CNTN4: variants seen among roughly 807,000 people sequenced by gnomAD.
CNTN4 encodes contactin-4.
CNTN4 carries 77 observed loss-of-function variants against 122.5 expected under a neutral mutation model. The ratio of observed to expected loss-of-function variants is 0.63; its 90% CI spans 0.52 to 0.76. The LOEUF (loss-of-function observed/expected upper bound fraction) is 0.76. Among genes scored for constraint, CNTN4 ranks in the 30% least tolerant of loss-of-function variants. The pLI is 0.00. For synonymous variants in CNTN4, 512 were observed against 447.0 expected, an observed-to-expected ratio of 1.15 and a Z score of -1.83; for missense variants, 1,256 against 1,259.1, an observed-to-expected ratio of 1.00 and a Z score of 0.04.
chr3:2,331,800 CTGTT>C (rs2043735051), intron 2 of CNTN4, among the ~76,000 whole-genome samples: 1 of 152,098 alleles, frequency 6.6e-6, no homozygotes, highest in Non-Finnish European at 1.5e-5. Flanking sequence ...CAGGTGGAGA[CTGTT>C]TGGGAAAGGG....
chr3:2,372,313 A>T (rs920839666), intron 3 of CNTN4, among the ~76,000 whole-genome samples: 10 of 152,252 alleles, frequency 6.6e-5, no homozygotes, highest in African/African-American at 1.7e-4. Context: ...AAGCAGATAA[A>T]CTTAAAGACT....
rs576648363 is a variant in CNTN4, at chr3:2,366,675, C to T, written c.-89+27442C>T. On this transcript the variant is annotated intron_variant, in intron 3 of 24. Coordinates refer to ENST00000418658, the MANE Select transcript of CNTN4 (RefSeq NM_175607.3). ...CCGGGAGGCGGAGCTTGCAGTGAGC[C>T]GAGATTGCACCACTGCGCTCCAGCC... 5.1e-3 allele frequency among the ~76,000 whole-genome samples: 768 copies of T among 151,332 alleles called. 10 individuals are homozygous for T. The highest frequency in any genetic ancestry group is 0.01 in the Middle Eastern group (3 of 294).
At chr3:2,127,190 C>A (rs1025054011) in intron 2 of CNTN4, among the ~76,000 whole-genome samples, 1 of 152,114 alleles carries the variant, frequency 6.6e-6, no homozygotes, top group South Asian at 2.1e-4. Flanking sequence ...CCACCTGATA[C>A]CCTGTGGATC....
chr3:2,378,134 T>C (rs1232402238), intron 3 of CNTN4, among the ~76,000 whole-genome samples: 2 of 152,118 alleles, frequency 1.3e-5, no homozygotes, highest in South Asian at 2.1e-4. Flanking sequence ...GGAGGAGAAA[T>C]AGATGCGACA....
intron 3 of CNTN4, among the ~76,000 whole-genome samples, chr3:2,411,540 T>C (rs1397563723): frequency 6.6e-6 from 1 of 152,192 alleles, no homozygotes; most frequent in Non-Finnish European, 1.5e-5. Context: ...GTTTAGTTTT[T>C]TGGAATGTCT....
intron 6 of CNTN4, among the ~76,000 whole-genome samples, chr3:2,809,758 C>G (rs2092560137): frequency 1.3e-5 from 2 of 152,216 alleles, no homozygotes; most frequent in Non-Finnish European, 2.9e-5. Context: ...GGTGCCATAT[C>G]TCACTAATTG....
chr3:2,158,234 A>AT (rs1180171297), intron 2 of CNTN4, among the ~76,000 whole-genome samples: 2 of 152,190 alleles, frequency 1.3e-5, no homozygotes, highest in Admixed American at 1.3e-4. Flanking sequence ...CAAAGGGCGA[A>AT]TTTTTTCCCC....
At chr3:2,421,694 A>G (rs1187525997) in intron 3 of CNTN4, among the ~76,000 whole-genome samples, 1 of 152,162 alleles carries the variant, frequency 6.6e-6, no homozygotes, top group African/African-American at 2.4e-5. Flanking sequence ...AAACTCTAAC[A>G]TCTGTTCATT....
intron 6 of CNTN4, among the ~76,000 whole-genome samples, chr3:2,801,172 C>A (rs1258262597): frequency 6.6e-6 from 1 of 152,216 alleles, no homozygotes; most frequent in Non-Finnish European, 1.5e-5. Context: ...AAAGCAAGAT[C>A]TGGACTCTGC....
intron 2 of CNTN4, among the ~76,000 whole-genome samples, chr3:2,298,116 A>G (rs558304178): frequency 2.4e-4 from 36 of 152,346 alleles, no homozygotes; most frequent in African/African-American, 8.7e-4. Context: ...GGTTGAATGA[A>G]CAATTAGGTT....
chr3:2,866,013 A>C (rs1460813667), intron 7 of CNTN4, among the ~76,000 whole-genome samples: 1 of 152,092 alleles, frequency 6.6e-6, no homozygotes, highest in Non-Finnish European at 1.5e-5. Context: ...TATTTGTGGA[A>C]TCAGTCAACT....
At chr3:2,235,223 C>T (rs921220555) in intron 2 of CNTN4, among the ~76,000 whole-genome samples, 9 of 151,996 alleles carry the variant, frequency 5.9e-5, no homozygotes, top group Admixed American at 5.9e-4. Flanking sequence ...TGTAATGATG[C>T]CAACATTATC....
At chr3:2,457,731 G>T (rs983332493) in intron 3 of CNTN4, among the ~76,000 whole-genome samples, 2 of 152,066 alleles carry the variant, frequency 1.3e-5, no homozygotes, top group Non-Finnish European at 2.9e-5. Flanking sequence ...TTATGCAGTT[G>T]ATTTTCTCAA....
At chr3:3,039,224 A>G (rs1699917886) in intron 19 of CNTN4, 1 of 537,182 alleles carries the variant, frequency 1.9e-6, no homozygotes, top group Non-Finnish European at 3.4e-6. Flanking sequence ...CACAGTAAAA[A>G]CAATTATGAA....
chr3:2,421,190 C>T (rs1471147912), intron 3 of CNTN4, among the ~76,000 whole-genome samples: 1 of 151,824 alleles, frequency 6.6e-6, no homozygotes. Context: ...GCAATGCCTT[C>T]TTGTGAGGCA....
intron 3 of CNTN4, among the ~76,000 whole-genome samples, chr3:2,416,150 T>C (rs1261152013): frequency 2.0e-5 from 3 of 152,080 alleles, no homozygotes; most frequent in African/African-American, 7.2e-5. Flanking sequence ...TGGTTTTAGG[T>C]AATAAAATAG....
At chr3:2,852,754 C>T (rs932885001) in intron 7 of CNTN4, among the ~76,000 whole-genome samples, 5 of 152,038 alleles carry the variant, frequency 3.3e-5, no homozygotes, top group South Asian at 2.1e-4. Context: ...GATACTTGAC[C>T]GGTTATAAAT....
At chr3:2,206,155 G>A (rs2038333036) in intron 2 of CNTN4, among the ~76,000 whole-genome samples, 1 of 151,938 alleles carries the variant, frequency 6.6e-6, no homozygotes, top group Non-Finnish European at 1.5e-5. Flanking sequence ...ATTGAAACAA[G>A]GCTATTTTGA....
At chr3:2,652,132 G>A (rs896828291) in intron 4 of CNTN4, among the ~76,000 whole-genome samples, 4 of 151,934 alleles carry the variant, frequency 2.6e-5, no homozygotes, top group Admixed American at 2.6e-4. Flanking sequence ...TGAGGCAGGA[G>A]GATTGCTTGA....
Sources: allele counts gnomAD v4.1 joint callset (sites outside exome capture counted in the v4.1 genomes callset), GRCh38; gene constraint gnomAD v4.1.1; transcripts MANE v1.5; gene names NCBI Gene and HGNC (gene_info 2026-07-23, HGNC 2026-07-21).